ELN: variants seen among roughly 807,000 people sequenced by gnomAD.
The protein encoded by ELN is elastin, also known as tropoelastin.
ELN carries 65 observed loss-of-function variants against 105.8 expected under a neutral mutation model. The ratio of observed to expected loss-of-function variants is 0.61; its 90% CI spans 0.50 to 0.75. The LOEUF is 0.75. ELN is among the 30% of genes least tolerant of loss of function. ELN has a pLI of 0.00. For synonymous variants in ELN, 368 were observed against 389.2 expected, an observed-to-expected ratio of 0.95 and a Z score of 0.64; for missense variants, 882 against 969.4, an observed-to-expected ratio of 0.91 and a Z score of 1.20.
Position 74,037,350 on chromosome 7 carries a change from C to T in ELN, c.164-357C>T, listed in dbSNP as rs56289587. ...CTGGGATTACAGGCACATGCCACCA[C>T]GCCTGGCTAATTTTTGTATTTTTAG... On this transcript the variant is annotated intron_variant, in intron 3 of 32. Coordinates refer to ENST00000252034, the MANE Select transcript of ELN (RefSeq NM_000501.4). 7.5e-3 allele frequency among the ~76,000 whole-genome samples: 1,142 copies of T among 152,060 alleles called. 5 individuals are homozygous for T. Among genetic ancestry groups the T allele is most frequent in the Non-Finnish European group, 0.012 (833 of 67,982 alleles).
At chr7:74,045,982 T>G in intron 10 of ELN, 1 of 637,232 alleles carries the variant, frequency 1.6e-6, no homozygotes, top group Non-Finnish European at 2.7e-6. Context: ...TTGCGGTGAG[T>G]TGAGATCACC....
At position 74,069,238 on chromosome 7, in the gene ELN, C is replaced by T; in HGVS notation, c.*538C>T. The stretch of plus-strand genomic sequence containing the variant: ...CTCTCCTGGGTCCACTTGGCCGTCT[C>T]CTCCCCACCGATCGCTGTTCCCCAC... On this transcript the variant is annotated 3_prime_UTR_variant, in exon 33 of 33. Coordinates refer to ENST00000252034, the MANE Select transcript of ELN (RefSeq NM_000501.4). The T allele has an allele frequency of 4.1e-6, 1 of 244,402 alleles. No homozygotes were observed. Among genetic ancestry groups the T allele is most frequent in the Non-Finnish European group, 8.1e-6 (1 of 123,944 alleles). 15.1% of individuals were successfully genotyped at this position (244,402 alleles called of 1,614,324 possible).
chr7:74,046,998 CT>C (rs1792721222), intron 12 of ELN, among the ~76,000 whole-genome samples: 2 of 152,134 alleles, frequency 1.3e-5, no homozygotes, highest in Admixed American at 1.3e-4. Flanking sequence ...GCAGGAGAAT[CT>C]CTTGAACCCA....
At position 74,063,312 on chromosome 7, in the gene ELN, G is replaced by A. The variant is rs150404125; in HGVS notation, c.1861G>A (p.Ala621Thr). ...CTGAACTCGGTCTGTGTTCCCAGGAGCCGGACCCGCCGCCGCCGCTGCCGC... is the reference window on the plus strand; with the variant it reads ...CTGAACTCGGTCTGTGTTCCCAGGAACCGGACCCGCCGCCGCCGCTGCCGC... ...GVGIPGGVVG[A>T]GPAAAAAAAK... is the part of the protein sequence containing the mutation. Residue 621 changes from alanine to threonine, a missense_variant and splice_region_variant, in exon 28 of 33, where the codon GCC becomes ACC. By Grantham distance (58) the Ala-to-Thr change is moderately conservative (BLOSUM62 0). Transcript: ENST00000252034. This position sits in a 1 kb window ranked among gnomAD's most constrained non-coding sequence, Gnocchi z 4.1. The A allele has an allele frequency of 6.9e-4, 1,072 of 1,550,560 alleles. 4 individuals are homozygous for A. The highest frequency in any genetic ancestry group is 4.0e-4 in the Non-Finnish European group (459 of 1,148,202).
intron 4 of ELN, among the ~76,000 whole-genome samples, chr7:74,038,462 G>A (rs1273452607): frequency 6.6e-6 from 1 of 152,244 alleles, no homozygotes; most frequent in Non-Finnish European, 1.5e-5. Flanking sequence ...GAGTTTTCCA[G>A]TAAGAAGGTG....
chr7:74,046,863 C>A, intron 12 of ELN, 96 bp downstream of exon 12: 2 of 1,381,386 alleles, frequency 1.4e-6, no homozygotes, highest in Non-Finnish European at 2.0e-6. Context: ...GCGGGCAGAT[C>A]ACTTGAGGTC....
At chr7:74,052,732 G>A (rs1022568272) in intron 17 of ELN, 1 of 177,778 alleles carries the variant, frequency 5.6e-6, no homozygotes, top group South Asian at 1.0e-4. Context: ...AGGGAGGGAG[G>A]GAGAGAGAGA....
chr7:74,036,566 G>A lies in ELN; in HGVS notation c.145G>A (p.Gly49Arg), dbSNP rs144757453. 5.4e-5 allele frequency: 87 copies of A among 1,613,948 alleles called. No homozygotes were observed. The highest frequency in any genetic ancestry group is 1.5e-4 in the African/African-American group (11 of 74,912). ...CTCTCCCCCCACAGGGGCTGGTCTC[G>A]GAGCCCTTGGAGGAGGAGGTGAGCT... The part of the protein sequence containing the change: ...GGVFYPGAGL[G>R]ALGGGALGPG... The change falls in exon 3 of 33, where the codon GGA becomes AGA. Residue 49 changes from glycine to arginine, a missense_variant. Transcript: ENST00000252034.
rs559210020 is a variant in ELN, at chr7:74,028,207, C to T, written c.20C>T (p.Ala7Val). The T allele has an allele frequency of 2.5e-5, 41 of 1,611,130 alleles. No homozygotes were observed. Among genetic ancestry groups the T allele is most frequent in the South Asian group, 4.4e-5 (4 of 90,932 alleles). Residue 7 changes from alanine to valine, a missense_variant, in exon 1 of 33, where the codon GCG (alanine) becomes GTG (valine). By Grantham distance (64) the Ala-to-Val change is moderately conservative. Coordinates refer to ENST00000252034, the MANE Select transcript of ELN (RefSeq NM_000501.4). Reference protein sequence around the residue: MAGLTAAAPRPGVLLLL... With the variant: MAGLTAVAPRPGVLLLL... ...CCCGAGATGGCGGGTCTGACGGCGGCGGCCCCGCGGCCCGGAGTCCTCCTG... is the reference window on the plus strand; with the variant it reads ...CCCGAGATGGCGGGTCTGACGGCGGTGGCCCCGCGGCCCGGAGTCCTCCTG...
At chr7:74,044,192 G>A (rs1432289029) in intron 9 of ELN, among the ~76,000 whole-genome samples, 3 of 152,106 alleles carry the variant, frequency 2.0e-5, no homozygotes, top group South Asian at 2.1e-4. Flanking sequence ...AGTGAGCTAC[G>A]ATGGTGCCAC....
At chr7:74,061,343 C>G (rs1433157472) in intron 26 of ELN, among the ~76,000 whole-genome samples, 1 of 151,980 alleles carries the variant, frequency 6.6e-6, no homozygotes, top group Non-Finnish European at 1.5e-5. Flanking sequence ...ATGGTTAAAC[C>G]CCATCTCTAC....
At chr7:74,045,565 C>T (rs1255642977) in intron 10 of ELN, among the ~76,000 whole-genome samples, 1 of 151,946 alleles carries the variant, frequency 6.6e-6, no homozygotes, top group East Asian at 1.9e-4. Flanking sequence ...ATAGCAAGAC[C>T]TTATCTCTAC....
chr7:74,057,573 C>G, intron 21 of ELN, 67 bp from the exon 22 acceptor site: 1 of 1,608,468 alleles, frequency 6.2e-7, no homozygotes. Context: ...GAAGACTGAG[C>G]CTAGAGATGG....
intron 4 of ELN, 63 bp downstream of exon 4, chr7:74,037,802 C>T: frequency 5.0e-6 from 8 of 1,587,816 alleles, no homozygotes; most frequent in Non-Finnish European, 6.9e-6. Context: ...AGGAGCCTAC[C>T]CAGCTGGGAA....
chr7:74,040,084 G>A (rs56221702), intron 4 of ELN, among the ~76,000 whole-genome samples: 89 of 152,316 alleles, frequency 5.8e-4, no homozygotes, highest in African/African-American at 1.8e-3. Context: ...CCACATGACA[G>A]GATGCTCAGG....
chr7:74,063,290 A>T lies in ELN; in HGVS notation c.1859-20A>T. The T allele has an allele frequency of 6.4e-7, 1 of 1,566,234 alleles. No individual in the cohort carries two copies. The highest frequency in any genetic ancestry group is 8.7e-7 in the Non-Finnish European group (1 of 1,155,430). On this transcript the variant is annotated intron_variant, in intron 27 of 32. Transcript: ENST00000252034. The surrounding 1 kb of genome is among the most constrained non-coding windows in gnomAD (Gnocchi z 4.1). ...CTAACCAGTACAGAGTGCCTCCCTG[A>T]ACTCGGTCTGTGTTCCCAGGAGCCG...
chr7:74,065,816 C>T, intron 30 of ELN, 84 bp downstream of exon 30: 1 of 1,610,068 alleles, frequency 6.2e-7, no homozygotes, highest in Non-Finnish European at 8.5e-7. Context: ...CCAGCTCAGG[C>T]CTCCCTCTGG....
At chr7:74,033,645 C>T (rs1789211097) in intron 1 of ELN, among the ~76,000 whole-genome samples, 1 of 152,216 alleles carries the variant, frequency 6.6e-6, no homozygotes, top group South Asian at 2.1e-4. Flanking sequence ...TGTGACAGCT[C>T]CACAGCCCTG....
intron 5 of ELN, 81 bp from the exon 6 acceptor site, chr7:74,042,533 G>C: frequency 7.7e-7 from 1 of 1,306,630 alleles, no homozygotes; most frequent in Non-Finnish European, 1.1e-6. Context: ...TCCTGAGTGG[G>C]GCACAGCCAG....
Sources: gnomAD v4.1 joint callset for allele counts (sites outside exome capture counted in the v4.1 genomes callset) on GRCh38, gnomAD v4.1.1 for gene constraint, Gnocchi (gnomAD v3.1) non-coding constraint, MANE v1.5 for transcripts, NCBI Gene and HGNC (gene_info 2026-07-23, HGNC 2026-07-21) for gene names.